The following PPIG variants were observed in gnomAD, a reference collection of about 807,000 sequenced individuals.
PPIG encodes peptidylprolyl isomerase G.
A neutral mutation model predicts 87.9 loss-of-function variants in PPIG; 26 were observed. The ratio of observed to expected loss-of-function variants is 0.30; its 90% CI spans 0.22 to 0.41. The LOEUF is 0.41. Among genes scored for constraint, PPIG ranks in the 10% least tolerant of loss-of-function variants. The pLI is 1.00. For synonymous variants in PPIG, 308 were observed against 276.5 expected, an observed-to-expected ratio of 1.11 and a Z score of -1.13; for missense variants, 722 against 879.4, an observed-to-expected ratio of 0.82 and a Z score of 2.26.
intron 9 of PPIG, among the ~76,000 whole-genome samples, chr2:169,623,867 A>G (rs777367268): frequency 2.0e-5 from 3 of 152,204 alleles, no homozygotes; most frequent in South Asian, 4.1e-4. Context: ...CAAGATTTCA[A>G]GTGAAATTTA....
intron 1 of PPIG, among the ~76,000 whole-genome samples, chr2:169,588,786 C>T (rs1684774851): frequency 6.6e-6 from 1 of 151,850 alleles, no homozygotes; most frequent in African/African-American, 2.4e-5. Context: ...CATGAAGAAA[C>T]CCTGTCTCTA....
intron 9 of PPIG, among the ~76,000 whole-genome samples, chr2:169,618,402 T>G (rs1328175231): frequency 2.6e-5 from 4 of 152,162 alleles, no homozygotes; most frequent in Non-Finnish European, 5.9e-5. Flanking sequence ...CTTTTTCTAT[T>G]GTTTGGAATA....
intron 1 of PPIG, among the ~76,000 whole-genome samples, chr2:169,590,471 T>G (rs1684835313): frequency 6.6e-6 from 1 of 151,906 alleles, no homozygotes; most frequent in African/African-American, 2.4e-5. Context: ...AAACCCCATC[T>G]CTACTAAAAA....
intron 1 of PPIG, among the ~76,000 whole-genome samples, chr2:169,597,895 A>T (rs1306648252): frequency 6.8e-6 from 1 of 147,376 alleles, no homozygotes; most frequent in African/African-American, 2.6e-5. Context: ...TGTTTGTTTG[A>T]AATAGAAACA....
At chr2:169,599,599 G>C (rs1685118013) in intron 1 of PPIG, among the ~76,000 whole-genome samples, 1 of 152,126 alleles carries the variant, frequency 6.6e-6, no homozygotes, top group Non-Finnish European at 1.5e-5. Context: ...ATGCCAAGTT[G>C]CTTATCAAAA....
At chr2:169,608,579 C>T (rs748890704) in intron 6 of PPIG, 92 bp from the exon 7 acceptor site, 68 of 679,234 alleles carry the variant, frequency 1.0e-4, no homozygotes, top group Non-Finnish European at 1.5e-4. Flanking sequence ...GTGTGTGGCA[C>T]TAAATAATAC....
chr2:169,639,644 T>C lies in PPIG; in HGVS notation c.*2121T>C, dbSNP rs1574469583. The stretch of plus-strand genomic sequence containing the variant: ...GTCCTTATTTTAAAGTTTTATTAGC[T>C]CTCTTTACAGAACAGATGTGAAGGA... On this transcript the variant is annotated 3_prime_UTR_variant, in exon 14 of 14. Transcript: ENST00000260970. The C allele has an allele frequency of 6.6e-6, 1 of 152,264 alleles. No homozygotes were observed. Among genetic ancestry groups the C allele is most frequent in the Non-Finnish European group, 1.5e-5 (1 of 67,968 alleles). 9.4% of individuals were successfully genotyped at this position (152,264 alleles called of 1,614,324 possible). A position where few individuals can be genotyped will look rare whatever the true frequency, so the allele number is the denominator to read the frequency against.
chr2:169,606,517 G>A (rs894255817), intron 5 of PPIG, among the ~76,000 whole-genome samples: 2 of 141,108 alleles, frequency 1.4e-5, no homozygotes, highest in Admixed American at 8.2e-5. Flanking sequence ...GCTTGAACCC[G>A]AAAGGTGGAA....
rs758114370 is a variant in PPIG at position 169,633,288 on chromosome 2, T to G, written c.1017+41T>G. On this transcript the variant is annotated intron_variant, in intron 12 of 13. Transcript: ENST00000260970. Reference sequence around the variant, plus strand: ...CCCAGAGATCTTCACAATATTGCATTTGTCTTCCTTAAATAATTTTAGGGT... The same window carrying G: ...CCCAGAGATCTTCACAATATTGCATGTGTCTTCCTTAAATAATTTTAGGGT... 30 of 1,395,916 alleles carry G rather than the reference T, an allele frequency of 2.1e-5. No homozygotes were observed. The South Asian group carries it at 3.4e-4, about 16-fold the overall frequency. 86.5% of individuals were successfully genotyped at this position (1,395,916 alleles called of 1,614,324 possible).
At chr2:169,587,292 A>C (rs1684730030) in intron 1 of PPIG, among the ~76,000 whole-genome samples, 1 of 149,014 alleles carries the variant, frequency 6.7e-6, no homozygotes, top group Non-Finnish European at 1.5e-5. Context: ...CCCATACTGG[A>C]GTGCAGTGGC....
intron 1 of PPIG, among the ~76,000 whole-genome samples, chr2:169,588,540 T>G (rs911322805): frequency 2.6e-5 from 4 of 152,238 alleles, no homozygotes; most frequent in Admixed American, 6.5e-5. Flanking sequence ...GTTCTTATTT[T>G]TTTACGTAGG....
chr2:169,594,331 A>AAG (rs34784054), intron 1 of PPIG, among the ~76,000 whole-genome samples: 23 of 151,662 alleles, frequency 1.5e-4, no homozygotes, highest in Admixed American at 9.2e-4. Flanking sequence ...AGGCAAAAAA[A>AAG]AAAAAACGCA....
chr2:169,635,993 C>T, intron 12 of PPIG, 99 bp from the exon 13 acceptor site: 1 of 759,754 alleles, frequency 1.3e-6, no homozygotes, highest in Non-Finnish European at 2.0e-6. Flanking sequence ...CCCTTACTAC[C>T]TCCTGACCCT....
intron 6 of PPIG, among the ~76,000 whole-genome samples, chr2:169,608,347 G>A (rs1169923698): frequency 1.3e-5 from 2 of 151,940 alleles, no homozygotes; most frequent in East Asian, 1.9e-4. Context: ...AAATTAGCTG[G>A]GCGTGGTGAT....
intron 1 of PPIG, among the ~76,000 whole-genome samples, chr2:169,594,324 C>CAAAA (rs375893335): frequency 8.5e-5 from 12 of 140,446 alleles, no homozygotes; most frequent in Middle Eastern, 3.7e-3. Context: ...TGTTGATAGG[C>CAAAA]AAAAAAAAAA....
chr2:169,600,937 T>TA (rs35944397), intron 1 of PPIG, among the ~76,000 whole-genome samples: 49,607 of 151,860 alleles, frequency 0.33, 8,644 homozygotes, highest in African/African-American at 0.46. Context: ...ATTCAAACCT[T>TA]ATACGTAAAG....
chr2:169,604,424 C>T (rs557776281), intron 4 of PPIG, among the ~76,000 whole-genome samples, 163 bp downstream of exon 4: 1 of 143,644 alleles, frequency 7.0e-6, no homozygotes, highest in Non-Finnish European at 1.5e-5. Context: ...TACACATAAG[C>T]GTCCTCAGCT....
At chr2:169,611,669 C>A (rs1272632097) in intron 7 of PPIG, among the ~76,000 whole-genome samples, 4 of 152,138 alleles carry the variant, frequency 2.6e-5, no homozygotes, top group Non-Finnish European at 5.9e-5. Context: ...ACCACATTCT[C>A]AACAGAGTAT....
chr2:169,623,727 A>G (rs1327869002), intron 9 of PPIG, among the ~76,000 whole-genome samples: 1 of 152,212 alleles, frequency 6.6e-6, no homozygotes, highest in East Asian at 1.9e-4. Context: ...GTGAGATGTT[A>G]AACTTAGAAA....
Sources: allele counts gnomAD v4.1 joint callset (sites outside exome capture counted in the v4.1 genomes callset), GRCh38; gene constraint gnomAD v4.1.1; transcripts MANE v1.5; gene names NCBI Gene and HGNC (gene_info 2026-07-23, HGNC 2026-07-21).